The following TMEFF2 variants were observed in gnomAD, a reference collection of about 807,000 sequenced individuals.
TMEFF2 encodes tomoregulin-2.
In TMEFF2, 28 loss-of-function variants were observed where a neutral mutation model predicts 53.8. The observed-to-expected ratio is 0.52, with a 90% confidence interval of 0.39 to 0.71. The LOEUF (loss-of-function observed/expected upper bound fraction) is 0.71. Among genes scored for constraint, TMEFF2 ranks in the 30% least tolerant of loss-of-function variants. TMEFF2 has a pLI of 0.00. For synonymous variants in TMEFF2, 162 were observed against 166.3 expected (o/e 0.97, Z 0.20); for missense variants, 353 against 455.2 (o/e 0.78, Z 2.04).
chr2:192,074,668 C>T (rs955194979), intron 4 of TMEFF2, among the ~76,000 whole-genome samples: 5 of 151,936 alleles, frequency 3.3e-5, no homozygotes, highest in Non-Finnish European at 7.4e-5. Context: ...GCACTAGCTA[C>T]ATTTCAACTG....
At chr2:192,035,090 G>C (rs1239571964) in intron 5 of TMEFF2, 4 of 152,146 alleles carry the variant, frequency 2.6e-5, no homozygotes, top group Non-Finnish European at 4.4e-5. Flanking sequence ...CTGATGTTGA[G>C]AGCATCAGGC....
intron 7 of TMEFF2, among the ~76,000 whole-genome samples, chr2:191,993,921 T>C (rs1011406158): frequency 2.6e-5 from 4 of 152,222 alleles, no homozygotes; most frequent in Admixed American, 2.6e-4. Context: ...CTTTATAATT[T>C]AGCATAGAGA....
In TMEFF2 at chr2:191,953,777, A is replaced by G; in HGVS notation, c.930T>C (p.Val310=). Residue 310 remains valine (V), a synonymous_variant, in exon 9 of 10, where the codon GTT becomes GTC. Coordinates refer to ENST00000272771, the MANE Select transcript of TMEFF2 (RefSeq NM_016192.4). The part of the protein sequence containing the change: ...CEKKDYSVLY[V]VPGPVRFQYV... ...ACTGAAATCGTACAGGACCGGGAAC[A>G]ACGTATAGAACACTGTAGTCCTTTT... is the stretch of plus-strand genomic sequence containing the variant. 6.2e-7 allele frequency: 1 copy of G among 1,614,156 alleles called. No homozygotes were observed. The highest frequency in any genetic ancestry group is 8.5e-7 in the Non-Finnish European group (1 of 1,179,980).
intron 4 of TMEFF2, among the ~76,000 whole-genome samples, chr2:192,090,100 T>C (rs1688757700): frequency 6.6e-6 from 1 of 152,192 alleles, no homozygotes; most frequent in African/African-American, 2.4e-5. Context: ...TTAGAAATGG[T>C]ATATATTATT....
Position 191,952,290 on chromosome 2 carries a change from T to G in TMEFF2, c.1028+1389A>C, listed in dbSNP as rs1368520894. On this transcript the variant is annotated intron_variant, in intron 9 of 9. Coordinates refer to ENST00000272771, the MANE Select transcript of TMEFF2 (RefSeq NM_016192.4). ...CTTTTATTATGTATGGGAATGCAACTGTGATTCATAACAGAATTGAAAACA... is the reference window on the plus strand; with the variant it reads ...CTTTTATTATGTATGGGAATGCAACGGTGATTCATAACAGAATTGAAAACA... 2.0e-5 allele frequency among the ~76,000 whole-genome samples: 3 copies of G among 152,196 alleles called. No homozygotes were observed. In the East Asian group the frequency reaches 5.8e-4, roughly 29 times the overall value.
chr2:192,072,962 TG>T (rs1328947732), intron 4 of TMEFF2, among the ~76,000 whole-genome samples: 2 of 151,950 alleles, frequency 1.3e-5, no homozygotes, highest in Non-Finnish European at 2.9e-5. Context: ...GTCAGAAGCA[TG>T]GGCTGTCTTT....
At chr2:192,145,326 A>G (rs561412568) in intron 4 of TMEFF2, among the ~76,000 whole-genome samples, 2 of 152,110 alleles carry the variant, frequency 1.3e-5, no homozygotes, top group South Asian at 4.1e-4. Context: ...ATTGTATATA[A>G]GAACTTTTAA....
chr2:192,020,481 G>A (rs752906105), intron 5 of TMEFF2, among the ~76,000 whole-genome samples: 103 of 152,040 alleles, frequency 6.8e-4, no homozygotes, highest in Non-Finnish European at 1.2e-3. Context: ...TTATATATAT[G>A]TATATACTTA....
At chr2:192,124,963 T>G (rs17367154) in intron 4 of TMEFF2, among the ~76,000 whole-genome samples, 52,546 of 151,944 alleles carry the variant, frequency 0.35, 10,587 homozygotes, top group Non-Finnish European at 0.47. Flanking sequence ...TACCCAGAAT[T>G]AACTCTCCTC....
At chr2:192,123,734 G>C (rs1342771496) in intron 4 of TMEFF2, among the ~76,000 whole-genome samples, 2 of 152,080 alleles carry the variant, frequency 1.3e-5, no homozygotes, top group African/African-American at 4.8e-5. Context: ...TTATAAATTA[G>C]TCCTCTGAGT....
At position 192,158,482 on chromosome 2, in the gene TMEFF2, C is replaced by T. The variant is rs957762003; in HGVS notation, c.439+21186G>A. ...TAATAAATTTTAAAATAACACTATGCGATATTCAGTAGAAAATAATATATT... is the reference window on the plus strand; with the variant it reads ...TAATAAATTTTAAAATAACACTATGTGATATTCAGTAGAAAATAATATATT... On this transcript the variant is annotated intron_variant, in intron 4 of 9. Coordinates refer to ENST00000272771, the MANE Select transcript of TMEFF2 (RefSeq NM_016192.4). 2.1e-4 allele frequency among the ~76,000 whole-genome samples: 32 copies of T among 152,118 alleles called. 1 individual carries two copies. The highest frequency in any genetic ancestry group is 3.4e-3 in the Middle Eastern group (1 of 294).
intron 3 of TMEFF2, among the ~76,000 whole-genome samples, chr2:192,180,232 T>C (rs1559160232): frequency 6.6e-6 from 1 of 151,606 alleles, no homozygotes; most frequent in African/African-American, 2.4e-5. Context: ...TCCTTTGTTT[T>C]TGAAGTCAGT....
At chr2:191,967,053 C>T (rs1692492673) in intron 7 of TMEFF2, among the ~76,000 whole-genome samples, 1 of 150,472 alleles carries the variant, frequency 6.6e-6, no homozygotes, top group Non-Finnish European at 1.5e-5. Context: ...AAAAAGGAAA[C>T]TGAAAAGTTC....
chr2:192,189,732 A>C (rs1336769581), intron 2 of TMEFF2, among the ~76,000 whole-genome samples: 1 of 152,086 alleles, frequency 6.6e-6, no homozygotes, highest in East Asian at 1.9e-4. Context: ...AGATGGACTC[A>C]AGAGACTCTT....
chr2:192,074,736 G>A (rs973961477), intron 4 of TMEFF2, among the ~76,000 whole-genome samples: 30 of 151,924 alleles, frequency 2.0e-4, no homozygotes, highest in Admixed American at 9.2e-4. Context: ...CACAAAAAAT[G>A]TTATTGGGTA....
At chr2:192,135,715 C>T (rs1185025044) in intron 4 of TMEFF2, among the ~76,000 whole-genome samples, 1 of 152,112 alleles carries the variant, frequency 6.6e-6, no homozygotes, top group Non-Finnish European at 1.5e-5. Context: ...CATCGCATCC[C>T]CTGTGACTTG....
chr2:192,146,350 T>C (rs1052803363), intron 4 of TMEFF2, among the ~76,000 whole-genome samples: 1 of 152,086 alleles, frequency 6.6e-6, no homozygotes, highest in Non-Finnish European at 1.5e-5. Flanking sequence ...GATTAAAATA[T>C]GCCAGGAAAT....
intron 4 of TMEFF2, among the ~76,000 whole-genome samples, chr2:192,142,390 C>T (rs1690158375): frequency 6.6e-6 from 1 of 151,686 alleles, no homozygotes; most frequent in African/African-American, 2.4e-5. Flanking sequence ...TATTCTAAAC[C>T]CATGAAGGAG....
intron 4 of TMEFF2, among the ~76,000 whole-genome samples, chr2:192,150,883 T>A (rs919620230): frequency 6.6e-6 from 1 of 151,858 alleles, no homozygotes; most frequent in Non-Finnish European, 1.5e-5. Flanking sequence ...ACATTTCATA[T>A]GAGTTTTTCT....
Sources: allele counts gnomAD v4.1 joint callset (sites outside exome capture counted in the v4.1 genomes callset), GRCh38; gene constraint gnomAD v4.1.1; transcripts MANE v1.5; gene names NCBI Gene and HGNC (gene_info 2026-07-23, HGNC 2026-07-21).